DLG2: variants seen among roughly 807,000 people sequenced by gnomAD.
DLG2 encodes discs large MAGUK scaffold protein 2.
Under a neutral mutation model 132.5 loss-of-function variants are expected in DLG2, and 45 were observed. The observed-to-expected ratio is 0.34, with a 90% CI of 0.27 to 0.44. The LOEUF (loss-of-function observed/expected upper bound fraction) is 0.44, where lower values mean the gene tolerates loss of function less well. Ranked by LOEUF, DLG2 falls within the 20% of genes least tolerant of loss-of-function variation. DLG2 has a pLI of 1.00. For missense variants in DLG2, 1,045 were observed against 1,196.9 expected, an observed-to-expected ratio of 0.87 and a Z score of 1.87; for synonymous variants, 424 against 419.6, an observed-to-expected ratio of 1.01 and a Z score of -0.13.
At chr11:85,461,490 T>C (rs2092611377) in intron 3 of DLG2, among the ~76,000 whole-genome samples, 1 of 152,242 alleles carries the variant, frequency 6.6e-6, no homozygotes, top group Non-Finnish European at 1.5e-5. Context: ...AGTCTGACTA[T>C]GCTGCCATGA....
At chr11:83,616,765 T>C (rs1591011097) in intron 19 of DLG2, among the ~76,000 whole-genome samples, 2 of 152,318 alleles carry the variant, frequency 1.3e-5, no homozygotes, top group South Asian at 4.1e-4. Flanking sequence ...TCTTCTAGAC[T>C]TTTATTGTTT....
At chr11:84,161,475 T>C (rs1259766014) in intron 9 of DLG2, among the ~76,000 whole-genome samples, 1 of 152,090 alleles carries the variant, frequency 6.6e-6, no homozygotes, top group Non-Finnish European at 1.5e-5. Flanking sequence ...GTAACAAAGT[T>C]CAGAGTATGG....
intron 3 of DLG2, among the ~76,000 whole-genome samples, chr11:85,572,758 T>C (rs953081487): frequency 2.0e-5 from 3 of 152,214 alleles, no homozygotes; most frequent in Non-Finnish European, 2.9e-5. Context: ...AACTCAAACC[T>C]ACTAACTTCC....
intron 7 of DLG2, among the ~76,000 whole-genome samples, chr11:84,290,810 C>T (rs1291544432): frequency 2.0e-5 from 3 of 152,068 alleles, no homozygotes; most frequent in African/African-American, 4.8e-5. Flanking sequence ...TTTGGTAGTA[C>T]ATTGTTTAAA....
chr11:83,926,257 A>G (rs546247534), intron 15 of DLG2, among the ~76,000 whole-genome samples: 1 of 152,312 alleles, frequency 6.6e-6, no homozygotes, highest in South Asian at 2.1e-4. Context: ...GCTTTTGCTG[A>G]CTAACCTTTA....
chr11:85,462,447 T>C (rs1318610787), intron 3 of DLG2, among the ~76,000 whole-genome samples: 1 of 152,150 alleles, frequency 6.6e-6, no homozygotes, highest in Non-Finnish European at 1.5e-5. Flanking sequence ...GTGGCACACA[T>C]ACACCAGGGA....
At chr11:84,174,292 A>G (rs192681474) in intron 8 of DLG2, among the ~76,000 whole-genome samples, 3 of 152,068 alleles carry the variant, frequency 2.0e-5, no homozygotes, top group East Asian at 3.9e-4. Context: ...TTCAACATCA[A>G]TCTATTCTTC....
chr11:85,190,774 A>G (rs186921323), intron 4 of DLG2, among the ~76,000 whole-genome samples: 2 of 152,350 alleles, frequency 1.3e-5, no homozygotes, highest in African/African-American at 4.8e-5. Flanking sequence ...GATATCACTA[A>G]TCATTACAGA....
At chr11:85,461,777 G>C (rs868037853) in intron 3 of DLG2, among the ~76,000 whole-genome samples, 1 of 152,102 alleles carries the variant, frequency 6.6e-6, no homozygotes, top group African/African-American at 2.4e-5. Context: ...TAAAGTAATG[G>C]CAACAAAAGC....
intron 6 of DLG2, among the ~76,000 whole-genome samples, chr11:84,569,238 G>A (rs1330692302): frequency 1.3e-5 from 2 of 152,164 alleles, no homozygotes; most frequent in Non-Finnish European, 2.9e-5. Context: ...AGACTAAATA[G>A]TGAAGATCTA....
At chr11:84,752,228 G>A (rs183176182) in intron 6 of DLG2, among the ~76,000 whole-genome samples, 104 of 152,212 alleles carry the variant, frequency 6.8e-4, no homozygotes, top group African/African-American at 2.3e-3. Flanking sequence ...ATTCACTTAA[G>A]TATGTTTATT....
At chr11:85,049,536 TAC>T (rs1332201706) in intron 6 of DLG2, among the ~76,000 whole-genome samples, 1 of 152,074 alleles carries the variant, frequency 6.6e-6, no homozygotes, top group Non-Finnish European at 1.5e-5. Context: ...CTCTGGCCTC[TAC>T]ACACTAGATG....
At chr11:84,957,672 A>C (rs1021872039) in intron 6 of DLG2, among the ~76,000 whole-genome samples, 1 of 152,242 alleles carries the variant, frequency 6.6e-6, no homozygotes, top group Non-Finnish European at 1.5e-5. Flanking sequence ...ATCTGCCTGC[A>C]TCAGAAGAGT....
intron 18 of DLG2, among the ~76,000 whole-genome samples, chr11:83,784,968 C>T (rs1296324053): frequency 2.6e-5 from 4 of 151,998 alleles, no homozygotes; most frequent in Non-Finnish European, 5.9e-5. Flanking sequence ...TGGAAGATTC[C>T]GATGAAAAAG....
intron 7 of DLG2, among the ~76,000 whole-genome samples, chr11:84,484,150 A>T (rs376746684): frequency 2.4e-4 from 36 of 152,162 alleles, no homozygotes; most frequent in East Asian, 1.4e-3. Context: ...CACCTCCTTA[A>T]ACTTAGGTAT....
At chr11:84,971,657 T>A (rs1039033127) in intron 6 of DLG2, among the ~76,000 whole-genome samples, 1 of 152,142 alleles carries the variant, frequency 6.6e-6, no homozygotes, top group African/African-American at 2.4e-5. Flanking sequence ...CTGGATAACT[T>A]TTTTTTCAAT....
At chr11:83,653,412 A>G (rs2071240585) in intron 18 of DLG2, among the ~76,000 whole-genome samples, 1 of 152,182 alleles carries the variant, frequency 6.6e-6, no homozygotes, top group Admixed American at 6.5e-5. Context: ...TCTCTTAAAC[A>G]GCATAAATCT....
chr11:84,798,455 C>T (rs1196183733), intron 6 of DLG2, among the ~76,000 whole-genome samples: 1 of 152,216 alleles, frequency 6.6e-6, no homozygotes. Context: ...ATCATCACCA[C>T]CACCACTGGC....
chr11:84,477,410 G>A, intron 7 of DLG2, among the ~76,000 whole-genome samples: 1 of 152,004 alleles, frequency 6.6e-6, no homozygotes, highest in East Asian at 1.9e-4. Flanking sequence ...CAGGAGAATT[G>A]CTTGAACCCA....
Sources: allele counts gnomAD v4.1 joint callset (sites outside exome capture counted in the v4.1 genomes callset), GRCh38; gene constraint gnomAD v4.1.1; transcripts MANE v1.5; gene names NCBI Gene and HGNC (gene_info 2026-07-23, HGNC 2026-07-21).